Variants in ST8SIA1 observed in about 807,000 individuals in gnomAD.
ST8SIA1 encodes ST8 alpha-N-acetyl-neuraminide alpha-2,8-sialyltransferase 1.
Under a neutral mutation model 35.9 loss-of-function variants are expected in ST8SIA1, and 16 were observed. The ratio of observed to expected loss-of-function variants is 0.45; its 90% CI spans 0.30 to 0.68. The LOEUF is 0.68. Among genes scored for constraint, ST8SIA1 ranks in the 30% least tolerant of loss-of-function variants. The pLI, the probability that ST8SIA1 is intolerant of heterozygous loss-of-function variation, is 0.09. For missense variants in ST8SIA1, 383 were observed against 453.6 expected (o/e 0.84, Z 1.41); for synonymous variants, 170 against 169.6 (o/e 1.00, Z -0.02).
Position 22,212,196 on chromosome 12 carries a change from A to G in ST8SIA1, c.585-10158T>C, listed in dbSNP as rs991492063. ...TGCGTTTTAAAAGTCCACTTCTTTT[A>G]CACACAATATTTGTTCTACTTTTTC... On this transcript the variant is annotated intron_variant, in intron 4 of 4. Coordinates refer to ENST00000396037, the MANE Select transcript of ST8SIA1 (RefSeq NM_003034.4). Among the ~76,000 whole-genome samples the G allele has an allele frequency of 3.3e-5, 5 of 152,242 alleles. No individual in the cohort carries two copies. The South Asian group carries it at 1.0e-3, about 31-fold the overall frequency.
At chr12:22,231,003 A>G (rs878955754) in intron 4 of ST8SIA1, among the ~76,000 whole-genome samples, 1 of 152,058 alleles carries the variant, frequency 6.6e-6, no homozygotes, top group African/African-American at 2.4e-5. Context: ...ACATCTCTGC[A>G]TATCCCAAAA....
rs968931288 is a variant in ST8SIA1, at chr12:22,200,251, C to G, written c.*1301G>C. On this transcript the variant is annotated 3_prime_UTR_variant, in exon 5 of 5. Coordinates refer to ENST00000396037, the MANE Select transcript of ST8SIA1 (RefSeq NM_003034.4). Reference sequence around the variant, plus strand: ...GTGCTGCTATGGGTATTATGTGCGGCAACCAGTGAGCTCGGTTGTCTTATA... The same window carrying G: ...GTGCTGCTATGGGTATTATGTGCGGGAACCAGTGAGCTCGGTTGTCTTATA... 1.5e-4 allele frequency: 23 copies of G among 152,144 alleles called. No individual in the cohort carries two copies. Among genetic ancestry groups the G allele is most frequent in the African/African-American group, 5.1e-4 (21 of 41,424 alleles). 9.4% of individuals were successfully genotyped at this position (152,144 alleles called of 1,614,324 possible).
chr12:22,316,221 A>G (rs1280608684), intron 1 of ST8SIA1, among the ~76,000 whole-genome samples: 1 of 152,198 alleles, frequency 6.6e-6, no homozygotes, highest in Non-Finnish European at 1.5e-5. Flanking sequence ...TAGCACAGAA[A>G]ATTCTGACAA....
chr12:22,291,958 A>C (rs2135819462), intron 1 of ST8SIA1, among the ~76,000 whole-genome samples: 1 of 152,334 alleles, frequency 6.6e-6, no homozygotes, highest in African/African-American at 2.4e-5. Context: ...AATATTTATA[A>C]AATTTTAAAT....
At chr12:22,268,905 T>C (rs148043857) in intron 2 of ST8SIA1, among the ~76,000 whole-genome samples, 10 of 152,300 alleles carry the variant, frequency 6.6e-5, no homozygotes, top group Admixed American at 2.0e-4. Context: ...CCAGATATTC[T>C]GATTTTTTTT....
chr12:22,272,910 A>T (rs1865927768), intron 2 of ST8SIA1, among the ~76,000 whole-genome samples: 1 of 152,230 alleles, frequency 6.6e-6, no homozygotes, highest in Non-Finnish European at 1.5e-5. Context: ...CAAAAACAGC[A>T]GCAATTTCTC....
rs1267593058 is a variant in ST8SIA1, at chr12:22,197,110, C to T, written c.*4442G>A. The T allele has an allele frequency of 6.6e-6, 1 of 152,180 alleles. No homozygotes were observed. Among genetic ancestry groups the T allele is most frequent in the East Asian group, 1.9e-4 (1 of 5,190 alleles). The allele number at this position is 152,180 out of a possible 1,614,324, so 9.4% of individuals were successfully genotyped here. A position where few individuals can be genotyped will look rare whatever the true frequency, so the allele number is the denominator to read the frequency against. On this transcript the variant is annotated 3_prime_UTR_variant, in exon 5 of 5. Coordinates refer to ENST00000396037, the MANE Select transcript of ST8SIA1 (RefSeq NM_003034.4). ...TATTAGAGGTTTTGACCTAGGTTGCCAGGCCTTGAAATTGTTAACCCACTT... is the reference window on the plus strand; with the variant it reads ...TATTAGAGGTTTTGACCTAGGTTGCTAGGCCTTGAAATTGTTAACCCACTT...
At chr12:22,328,395 C>T (rs1866708550) in intron 1 of ST8SIA1, among the ~76,000 whole-genome samples, 1 of 152,170 alleles carries the variant, frequency 6.6e-6, no homozygotes, top group South Asian at 2.1e-4. Context: ...CAGTTCCTGT[C>T]TGTGAGAAAC....
chr12:22,289,193 G>A lies in ST8SIA1; in HGVS notation c.237-1900C>T, dbSNP rs556684906. 1.4e-3 allele frequency among the ~76,000 whole-genome samples: 218 copies of A among 152,274 alleles called. 1 individual carries two copies. The highest frequency in any genetic ancestry group is 4.4e-3 in the African/African-American group (183 of 41,560). The stretch of plus-strand genomic sequence containing the variant: ...ACCAGCACGATGCTAAATCTGGGGG[G>A]AGGATAGGCTAAATTTTTAGTTCCT... On this transcript the variant is annotated intron_variant, in intron 1 of 4. Transcript: ENST00000396037.
intron 1 of ST8SIA1, among the ~76,000 whole-genome samples, chr12:22,322,179 A>G (rs1866610611): frequency 6.6e-6 from 1 of 152,220 alleles, no homozygotes; most frequent in Non-Finnish European, 1.5e-5. Flanking sequence ...ATACAGGCAG[A>G]CACAGCTAAG....
At chr12:22,333,356 T>C (rs555871313) in intron 1 of ST8SIA1, among the ~76,000 whole-genome samples, 1 of 152,312 alleles carries the variant, frequency 6.6e-6, no homozygotes, top group South Asian at 2.1e-4. Context: ...CTTGGGGAAG[T>C]TACTCATCCT....
intron 1 of ST8SIA1, among the ~76,000 whole-genome samples, chr12:22,305,903 A>C (rs1440090255): frequency 1.3e-5 from 2 of 152,174 alleles, no homozygotes; most frequent in Admixed American, 6.6e-5. Context: ...ATAACTTCTA[A>C]TCTTGTGGTT....
At chr12:22,207,112 C>T (rs1715579538) in intron 4 of ST8SIA1, among the ~76,000 whole-genome samples, 1 of 152,106 alleles carries the variant, frequency 6.6e-6, no homozygotes, top group South Asian at 2.1e-4. Context: ...AACAGTGTCC[C>T]AGATAGGCCA....
intron 4 of ST8SIA1, among the ~76,000 whole-genome samples, chr12:22,241,133 A>C (rs1865536514): frequency 6.6e-6 from 1 of 152,098 alleles, no homozygotes; most frequent in Admixed American, 6.5e-5. Flanking sequence ...ACCTGGGACT[A>C]CCAGAACATG....
chr12:22,200,739 TG>T lies in ST8SIA1; in HGVS notation c.*812del, dbSNP rs1654897107. On this transcript the variant is annotated 3_prime_UTR_variant, in exon 5 of 5. Coordinates refer to ENST00000396037, the MANE Select transcript of ST8SIA1 (RefSeq NM_003034.4). ...TTACAAACAAATAATTCACTCATAT[TG>T]GTAGTCTTTTGCACTAAAATAAAAA... The T allele has an allele frequency of 6.6e-6, 1 of 152,194 alleles. No individual in the cohort carries two copies. The highest frequency in any genetic ancestry group is 6.6e-5 in the Admixed American group (1 of 15,260). 9.4% of individuals were successfully genotyped at this position (152,194 alleles called of 1,614,324 possible).
At chr12:22,281,264 A>G (rs1274785673) in intron 2 of ST8SIA1, among the ~76,000 whole-genome samples, 4 of 152,218 alleles carry the variant, frequency 2.6e-5, no homozygotes. Context: ...ACTGAAATAT[A>G]AAGACCAGGT....
In ST8SIA1 at chr12:22,305,442, G is replaced by A. The variant is rs143010783; in HGVS notation, c.237-18149C>T. Among the ~76,000 whole-genome samples, 212 of 147,774 alleles carry A rather than the reference G, an allele frequency of 1.4e-3. 3 individuals are homozygous for A. The East Asian group carries it at 0.037, about 26-fold the overall frequency. ...GTCTCCCAGGCTGGAGTGCAATGGC[G>A]TGCTCTCAGCTCACTGTAACCTCCA... On this transcript the variant is annotated intron_variant, in intron 1 of 4. Coordinates refer to ENST00000396037, the MANE Select transcript of ST8SIA1 (RefSeq NM_003034.4).
At position 22,334,292 on chromosome 12, in the gene ST8SIA1, G is replaced by A; in HGVS notation, c.-60C>T. 6 of 1,382,308 alleles carry A rather than the reference G, an allele frequency of 4.3e-6. No homozygotes were observed. Among genetic ancestry groups the A allele is most frequent in the East Asian group, 2.3e-5 (1 of 42,898 alleles). The allele number at this position is 1,382,308 out of a possible 1,614,324, so 85.6% of individuals were successfully genotyped here. On this transcript the variant is annotated 5_prime_UTR_variant, in exon 1 of 5. Transcript: ENST00000396037. ...CCTCAGCACAAAGCTAGGCGAAGTG[G>A]CAGCGGAGGGTCCCCCACCGCCAGC... is the stretch of plus-strand genomic sequence containing the variant.
intron 4 of ST8SIA1, among the ~76,000 whole-genome samples, chr12:22,238,485 G>C (rs1437616215): frequency 6.6e-6 from 1 of 152,188 alleles, no homozygotes; most frequent in East Asian, 1.9e-4. Context: ...GCTGCTCCAA[G>C]CCTTTGCTAT....
Sources: allele counts gnomAD v4.1 joint callset (sites outside exome capture counted in the v4.1 genomes callset), GRCh38; gene constraint gnomAD v4.1.1; transcripts MANE v1.5; gene names NCBI Gene and HGNC (gene_info 2026-07-23, HGNC 2026-07-21).